The following TAS2R1 variants were observed in gnomAD, a reference collection of about 807,000 sequenced individuals.
The protein encoded by TAS2R1 is taste receptor type 2 member 1.
For synonymous variants in TAS2R1, 141 were observed against 134.2 expected, an observed-to-expected ratio of 1.05 and a Z score of -0.35; for missense variants, 370 against 353.4, an observed-to-expected ratio of 1.05 and a Z score of -0.38.
the TAS2R1 span, among the ~76,000 whole-genome samples, chr5:9,718,556 G>A: frequency 6.6e-6 from 1 of 152,164 alleles, no homozygotes. Context: ...GAGAGGCAAA[G>A]ACAGGAAGAC....
At chr5:9,683,714 A>G (rs1229340382) in intron 1 of TAS2R1, among the ~76,000 whole-genome samples, 1 of 152,162 alleles carries the variant, frequency 6.6e-6, no homozygotes, top group Non-Finnish European at 1.5e-5. Flanking sequence ...CTATTAATTG[A>G]TTGGAGTTTG....
At chr5:9,683,105 C>T (rs904814438) in intron 1 of TAS2R1, among the ~76,000 whole-genome samples, 2 of 152,012 alleles carry the variant, frequency 1.3e-5, no homozygotes, top group African/African-American at 4.8e-5. Context: ...CTTTTATATA[C>T]CATTGAATAC....
At chr5:9,845,206 C>T in the TAS2R1 span, among the ~76,000 whole-genome samples, 1 of 152,112 alleles carries the variant, frequency 6.6e-6, no homozygotes, top group Admixed American at 6.5e-5. Context: ...AGATCTTTCT[C>T]TCCCTCCACC....
chr5:9,708,865 C>G (rs897435011), intron 1 of TAS2R1, among the ~76,000 whole-genome samples: 1 of 152,162 alleles, frequency 6.6e-6, no homozygotes, highest in African/African-American at 2.4e-5. Flanking sequence ...AACACCCAGG[C>G]TCTGTCTGTT....
At chr5:9,760,446 C>A in the TAS2R1 span, among the ~76,000 whole-genome samples, 1 of 152,108 alleles carries the variant, frequency 6.6e-6, no homozygotes, top group South Asian at 2.1e-4. Context: ...AAACCCTCAA[C>A]AGAATATTAG....
chr5:9,829,413 A>G, the TAS2R1 span, among the ~76,000 whole-genome samples: 1 of 152,184 alleles, frequency 6.6e-6, no homozygotes, highest in East Asian at 1.9e-4. Context: ...CCCCACGGTC[A>G]TTCCTCTAAG....
At chr5:9,849,318 CACA>C in the TAS2R1 span, among the ~76,000 whole-genome samples, 2 of 152,224 alleles carry the variant, frequency 1.3e-5, no homozygotes, top group African/African-American at 4.8e-5. Context: ...ACAGCACTGC[CACA>C]ACAACACATG....
chr5:9,761,689 C>T, the TAS2R1 span, among the ~76,000 whole-genome samples: 1 of 152,244 alleles, frequency 6.6e-6, no homozygotes, highest in South Asian at 2.1e-4. Flanking sequence ...CTATGATCCT[C>T]TGCGTCTGCT....
At chr5:9,887,579 C>T in the TAS2R1 span, among the ~76,000 whole-genome samples, 3 of 152,170 alleles carry the variant, frequency 2.0e-5, no homozygotes, top group African/African-American at 4.8e-5. Flanking sequence ...CACATGGTGA[C>T]CCAATTCTCC....
intron 1 of TAS2R1, among the ~76,000 whole-genome samples, chr5:9,665,356 T>C (rs1740611116): frequency 6.6e-6 from 1 of 152,242 alleles, no homozygotes; most frequent in Non-Finnish European, 1.5e-5. Context: ...GTAGCCCTAA[T>C]TACATCTACA....
At chr5:9,820,399 A>G in the TAS2R1 span, among the ~76,000 whole-genome samples, 1 of 152,224 alleles carries the variant, frequency 6.6e-6, no homozygotes, top group Non-Finnish European at 1.5e-5. Context: ...TTGTGGAATT[A>G]TTTATTATAA....
chr5:9,636,445 A>ATTAAGTCCATTTGTTCTAGGGTATAGT (rs1238423648), intron 2 of TAS2R1, among the ~76,000 whole-genome samples: 3 of 152,082 alleles, frequency 2.0e-5, no homozygotes, highest in Non-Finnish European at 4.4e-5. Flanking sequence ...GTAAATATCT[A>ATTAAGTCCATTTGTTCTAGGGTATAGT]TTAAGTCCAT....
chr5:9,830,603 G>GTGCACACACA, the TAS2R1 span, among the ~76,000 whole-genome samples: 3 of 59,904 alleles, frequency 5.0e-5, no homozygotes, highest in African/African-American at 1.5e-4. Context: ...ACACGTGCGC[G>GTGCACACACA]CGCACACACA....
chr5:9,756,420 A>G, the TAS2R1 span, among the ~76,000 whole-genome samples: 1 of 152,220 alleles, frequency 6.6e-6, no homozygotes, highest in Non-Finnish European at 1.5e-5. Context: ...AGAGTAAGGC[A>G]AATCCCCAGA....
At chr5:9,725,582 G>A in the TAS2R1 span, among the ~76,000 whole-genome samples, 6 of 152,302 alleles carry the variant, frequency 3.9e-5, no homozygotes, top group East Asian at 1.9e-4. Context: ...CCTGCAGCCC[G>A]CCATGCCTGA....
At chr5:9,852,890 A>G in the TAS2R1 span, among the ~76,000 whole-genome samples, 1 of 152,158 alleles carries the variant, frequency 6.6e-6, no homozygotes, top group African/African-American at 2.4e-5. Flanking sequence ...CATTGGCATC[A>G]TTCCCAGTCA....
At chr5:9,677,770 C>T (rs964364245) in intron 1 of TAS2R1, among the ~76,000 whole-genome samples, 1 of 152,168 alleles carries the variant, frequency 6.6e-6, no homozygotes, top group Non-Finnish European at 1.5e-5. Context: ...TCGACAGTTC[C>T]TCACAAAGCT....
At chr5:9,747,359 T>G in the TAS2R1 span, among the ~76,000 whole-genome samples, 1 of 152,166 alleles carries the variant, frequency 6.6e-6, no homozygotes, top group Non-Finnish European at 1.5e-5. Context: ...GAGGTTTATT[T>G]GGCTCACAGT....
the TAS2R1 span, among the ~76,000 whole-genome samples, chr5:9,845,733 A>T: frequency 6.6e-6 from 1 of 152,242 alleles, no homozygotes; most frequent in African/African-American, 2.4e-5. Flanking sequence ...ACCAAGTAAG[A>T]GATGAAGTGA....
Sources: gnomAD v4.1 joint callset for allele counts (sites outside exome capture counted in the v4.1 genomes callset) on GRCh38, gnomAD v4.1.1 for gene constraint, MANE v1.5 for transcripts, NCBI Gene and HGNC (gene_info 2026-07-23, HGNC 2026-07-21) for gene names.